The following DSCAM variants were observed in gnomAD, a reference collection of about 807,000 sequenced individuals.
DSCAM encodes the protein DS cell adhesion molecule, also known as cell adhesion molecule DSCAM.
In DSCAM, 47 loss-of-function variants were observed where a neutral mutation model predicts 217.7. The ratio of observed to expected loss-of-function variants is 0.22; its 90% CI spans 0.17 to 0.28. DSCAM has a LOEUF of 0.28. Among genes scored for constraint, DSCAM ranks in the 10% least tolerant of loss-of-function variants. The pLI is 1.00. For missense variants in DSCAM, 2,080 were observed against 2,618.3 expected (o/e 0.79, Z 4.49); for synonymous variants, 1,056 against 1,015.3 (o/e 1.04, Z -0.76).
chr21:40,575,785 A>C (rs1011581406), intron 3 of DSCAM, among the ~76,000 whole-genome samples: 1 of 151,988 alleles, frequency 6.6e-6, no homozygotes, highest in Non-Finnish European at 1.5e-5. Context: ...AAAAAAAAAA[A>C]CTCTTGCAAC....
At chr21:40,425,860 C>T (rs1403640628) in intron 3 of DSCAM, among the ~76,000 whole-genome samples, 2 of 151,972 alleles carry the variant, frequency 1.3e-5, no homozygotes, top group Admixed American at 6.6e-5. Flanking sequence ...TAAACATACA[C>T]ATGTTAACTA....
chr21:40,473,821 C>G (rs898509765), intron 3 of DSCAM, among the ~76,000 whole-genome samples: 2 of 152,112 alleles, frequency 1.3e-5, no homozygotes, highest in Admixed American at 1.3e-4. Flanking sequence ...AGGACAACCA[C>G]GTTAGGACAC....
intron 3 of DSCAM, among the ~76,000 whole-genome samples, chr21:40,611,792 A>G (rs936954385): frequency 1.3e-5 from 2 of 152,194 alleles, no homozygotes; most frequent in Non-Finnish European, 2.9e-5. Flanking sequence ...ACTTCAGTGA[A>G]GCATATACTA....
intron 18 of DSCAM, among the ~76,000 whole-genome samples, chr21:40,141,793 C>G (rs1410870605): frequency 1.3e-5 from 2 of 152,128 alleles, no homozygotes; most frequent in Non-Finnish European, 2.9e-5. Flanking sequence ...CAGCCTCGCT[C>G]TGCCCCAGCA....
At chr21:40,051,772 C>T (rs2088935323) in intron 30 of DSCAM, among the ~76,000 whole-genome samples, 186 bp downstream of exon 30, 1 of 152,138 alleles carries the variant, frequency 6.6e-6, no homozygotes, top group Admixed American at 6.5e-5. Context: ...AGTAATTCAA[C>T]TGACATAATA....
intron 3 of DSCAM, among the ~76,000 whole-genome samples, chr21:40,404,898 C>T (rs2075267359): frequency 1.3e-5 from 2 of 152,216 alleles, no homozygotes; most frequent in Admixed American, 6.5e-5. Flanking sequence ...TCAGCAGGCA[C>T]ACCCAGTAAC....
intron 3 of DSCAM, among the ~76,000 whole-genome samples, chr21:40,571,502 T>C (rs466453): frequency 0.21 from 31,579 of 152,088 alleles, 3,436 homozygotes; most frequent in East Asian, 0.27. Flanking sequence ...TCAGAGATTT[T>C]TTTAGCCAAA....
rs1372882686 is a variant in DSCAM, at chr21:40,600,523, A to C, written c.508+92287T>G. On this transcript the variant is annotated intron_variant, in intron 3 of 32. Coordinates refer to ENST00000400454, the MANE Select transcript of DSCAM (RefSeq NM_001389.5). ...ATTTTGGGGAGACACATACATCCAG[A>C]CCATAGCACCAACTTATTAATTTGT... 2.6e-5 allele frequency among the ~76,000 whole-genome samples: 4 copies of C among 152,162 alleles called. No homozygotes were observed. The East Asian group carries it at 7.7e-4, about 29-fold the overall frequency.
At chr21:40,213,791 G>T in intron 11 of DSCAM, among the ~76,000 whole-genome samples, 1 of 152,238 alleles carries the variant, frequency 6.6e-6, no homozygotes, top group Admixed American at 6.5e-5. Context: ...CAGGATCATG[G>T]GTTTTGACTA....
Position 40,272,761 on chromosome 21 carries a change from C to T in DSCAM, c.2356+3336G>A, listed in dbSNP as rs2073636396. ...CATCCAATTAGACAGCAAGGTCTCC[C>T]CTATTGAATTTAGAAATATTTGCAG... On this transcript the variant is annotated intron_variant, in intron 11 of 32. Coordinates refer to ENST00000400454, the MANE Select transcript of DSCAM (RefSeq NM_001389.5). 2.0e-5 allele frequency among the ~76,000 whole-genome samples: 3 copies of T among 152,106 alleles called. No individual in the cohort carries two copies. The South Asian group carries it at 6.2e-4, about 32-fold the overall frequency.
intron 3 of DSCAM, among the ~76,000 whole-genome samples, chr21:40,598,653 C>T (rs886620617): frequency 2.6e-5 from 4 of 151,710 alleles, no homozygotes; most frequent in South Asian, 2.1e-4. Context: ...TACAGGTGCA[C>T]GCCATGACAC....
intron 3 of DSCAM, among the ~76,000 whole-genome samples, chr21:40,518,123 C>T (rs1388132857): frequency 2.0e-5 from 3 of 150,658 alleles, no homozygotes; most frequent in South Asian, 2.1e-4. Flanking sequence ...TAGTGAACCT[C>T]GATACTGAGT....
chr21:40,789,918 G>C (rs2837821), intron 1 of DSCAM, among the ~76,000 whole-genome samples: 69,117 of 152,068 alleles, frequency 0.45, 17,532 homozygotes, highest in South Asian at 0.66. Context: ...TCTACCGTTA[G>C]GAGTCATGAA....
intron 3 of DSCAM, among the ~76,000 whole-genome samples, chr21:40,493,980 C>A (rs1448847694): frequency 6.6e-6 from 1 of 151,186 alleles, no homozygotes; most frequent in African/African-American, 2.4e-5. Flanking sequence ...TTAAAATAGC[C>A]TGTTATAAAT....
intron 5 of DSCAM, among the ~76,000 whole-genome samples, chr21:40,348,674 C>T (rs2123630515): frequency 6.6e-6 from 1 of 152,340 alleles, no homozygotes; most frequent in Middle Eastern, 3.4e-3. Context: ...TGCTATCATA[C>T]TGCATGCAGT....
intron 1 of DSCAM, among the ~76,000 whole-genome samples, chr21:40,749,089 G>A (rs1209829481): frequency 6.6e-6 from 1 of 152,046 alleles, no homozygotes; most frequent in African/African-American, 2.4e-5. Flanking sequence ...AATAAGATCA[G>A]AGGCTTAAGT....
chr21:40,108,596 T>G (rs1433648809), intron 20 of DSCAM, among the ~76,000 whole-genome samples: 1 of 152,180 alleles, frequency 6.6e-6, no homozygotes, highest in African/African-American at 2.4e-5. Flanking sequence ...TATAGATTCA[T>G]GCTATTCTCA....
intron 27 of DSCAM, among the ~76,000 whole-genome samples, chr21:40,070,698 T>C (rs2089281904): frequency 6.6e-6 from 1 of 152,200 alleles, no homozygotes; most frequent in Non-Finnish European, 1.5e-5. Context: ...TTAGTAAAGT[T>C]CAAGTTACCT....
In DSCAM at chr21:40,138,373, A is replaced by T. The variant is rs1418424584; in HGVS notation, c.3406+4185T>A. On this transcript the variant is annotated intron_variant, in intron 18 of 32. Transcript: ENST00000400454. ...TGTTGTGAGTAGCATGGGGTGTGTTACATGTGTTGTGTGATGTGTGGTGTG... is the reference window on the plus strand; with the variant it reads ...TGTTGTGAGTAGCATGGGGTGTGTTTCATGTGTTGTGTGATGTGTGGTGTG... Among the ~76,000 whole-genome samples, 6 of 143,932 alleles carry T rather than the reference A, an allele frequency of 4.2e-5. No homozygotes were observed. In the East Asian group the frequency reaches 1.0e-3, roughly 25 times the overall value. The allele number at this position is 143,932 out of a possible 152,430, so 94.4% of individuals were successfully genotyped here. A position where few individuals can be genotyped will look rare whatever the true frequency, so the allele number is the denominator to read the frequency against.
Sources: allele counts gnomAD v4.1 joint callset (sites outside exome capture counted in the v4.1 genomes callset), GRCh38; gene constraint gnomAD v4.1.1; transcripts MANE v1.5; gene names NCBI Gene and HGNC (gene_info 2026-07-23, HGNC 2026-07-21).